CYREN: variants seen among roughly 807,000 people sequenced by gnomAD.
CYREN encodes the protein cell cycle regulator of NHEJ, also known as cell cycle regulator of non-homologous end joining.
A neutral mutation model predicts 9.7 loss-of-function variants in CYREN; 7 were observed. The observed-to-expected ratio is 0.72, with a 90% CI of 0.41 to 1.36. The LOEUF (loss-of-function observed/expected upper bound fraction) is 1.36. CYREN is among the 40% of genes most tolerant of loss of function. The pLI is 0.01. For synonymous variants in CYREN, 76 were observed against 77.9 expected (o/e 0.98, Z 0.13); for missense variants, 215 against 198.1 (o/e 1.09, Z -0.51).
At chr7:135,122,363 G>T (rs533735764) in intron 2 of CYREN, among the ~76,000 whole-genome samples, 26 of 152,310 alleles carry the variant, frequency 1.7e-4, no homozygotes, top group South Asian at 8.3e-4. Flanking sequence ...TCCAGCCAGA[G>T]GCTCAGGGAC....
intron 2 of CYREN, chr7:135,148,310 G>A (rs1270357958): frequency 5.8e-6 from 2 of 343,798 alleles, no homozygotes; most frequent in Admixed American, 4.2e-5. Context: ...TTACCCAGAC[G>A]TCTACTACCT....
intron 2 of CYREN, chr7:135,135,228 C>T (rs777074885): frequency 1.3e-6 from 2 of 1,532,650 alleles, no homozygotes; most frequent in South Asian, 2.4e-5. Context: ...ATGGACAACC[C>T]ACCTTATATC....
intron 2 of CYREN, among the ~76,000 whole-genome samples, chr7:135,122,618 C>T (rs144423077): frequency 4.6e-5 from 7 of 152,288 alleles, no homozygotes; most frequent in African/African-American, 1.4e-4. Context: ...ATACCCTATA[C>T]GTGAGCAATA....
chr7:135,165,126 G>A (rs758716406), downstream of CYREN: 45 of 1,223,772 alleles, frequency 3.7e-5, no homozygotes, highest in Non-Finnish European at 4.8e-5. Flanking sequence ...AGAGGAGGTG[G>A]GGCCCCTGTG....
chr7:135,094,812 A>C (rs1459869272), intron 2 of CYREN, among the ~76,000 whole-genome samples: 2 of 152,198 alleles, frequency 1.3e-5, no homozygotes, highest in African/African-American at 4.8e-5. Flanking sequence ...AGATTACATA[A>C]GTTGTTTGTC....
intron 2 of CYREN, among the ~76,000 whole-genome samples, chr7:135,136,912 TA>T (rs1829358205): frequency 6.6e-6 from 1 of 152,076 alleles, no homozygotes; most frequent in South Asian, 2.1e-4. Context: ...TTGATACAAA[TA>T]TAAGATGCTT....
Position 135,167,094 on chromosome 7 carries a change from G to C in CYREN, c.214-223C>G, listed in dbSNP as rs1302548181. ...AAACCAGAACCCACTCGGGAGAGAA[G>C]CAAGCAAAGGCATGAGGATTAGCTG... is the stretch of plus-strand genomic sequence containing the variant. On this transcript the variant is annotated intron_variant, in intron 3 of 3. Coordinates refer to ENST00000393114, the MANE Select transcript of CYREN (RefSeq NM_024033.4). 7 of 985,218 alleles carry C rather than the reference G, an allele frequency of 7.1e-6. No homozygotes were observed. The African/African-American group carries it at 1.0e-4, about 15-fold the overall frequency. The allele number at this position is 985,218 out of a possible 1,614,324, so 61.0% of individuals were successfully genotyped here. A position where few individuals can be genotyped will look rare whatever the true frequency, so the allele number is the denominator to read the frequency against.
intron 2 of CYREN, among the ~76,000 whole-genome samples, chr7:135,158,704 AAAG>A (rs3039058): frequency 0.48 from 72,364 of 151,664 alleles, 17,561 homozygotes; most frequent in South Asian, 0.65. Flanking sequence ...GCAGTGTGGA[AAAG>A]AAGCTGTGGG....
At chr7:135,136,424 T>A (rs1350985570) in intron 2 of CYREN, among the ~76,000 whole-genome samples, 1 of 152,104 alleles carries the variant, frequency 6.6e-6, no homozygotes, top group Non-Finnish European at 1.5e-5. Flanking sequence ...GAAATAGCTA[T>A]CTTCTAAATA....
At chr7:135,117,487 G>A (rs757807724) in intron 2 of CYREN, among the ~76,000 whole-genome samples, 2 of 152,178 alleles carry the variant, frequency 1.3e-5, no homozygotes, top group African/African-American at 2.4e-5. Flanking sequence ...GTCTAAAATG[G>A]TTTAGCAAAG....
intron 2 of CYREN, chr7:135,115,845 T>C (rs1280624758): frequency 2.3e-6 from 1 of 431,104 alleles, no homozygotes; most frequent in African/African-American, 2.0e-5. Context: ...CTCATTAATT[T>C]AGATCTATTA....
chr7:135,162,490 C>G (rs1829968279), downstream of CYREN, among the ~76,000 whole-genome samples: 1 of 152,220 alleles, frequency 6.6e-6, no homozygotes, highest in Non-Finnish European at 1.5e-5. Flanking sequence ...GTTTAATGGA[C>G]TCATAGTTCC....
intron 2 of CYREN, among the ~76,000 whole-genome samples, chr7:135,107,031 T>C (rs553325562): frequency 7.3e-4 from 111 of 152,318 alleles, no homozygotes; most frequent in Non-Finnish European, 8.5e-4. Flanking sequence ...CTGATTATTG[T>C]TTTACTGTGG....
chr7:135,132,948 AAAAAT>A (rs1207834135), intron 2 of CYREN, among the ~76,000 whole-genome samples: 1 of 152,212 alleles, frequency 6.6e-6, no homozygotes, highest in Non-Finnish European at 1.5e-5. Context: ...AAGGCAATAA[AAAAAT>A]AAAAAGCATA....
At chr7:135,108,349 T>A (rs1191357883) in intron 2 of CYREN, among the ~76,000 whole-genome samples, 1 of 152,190 alleles carries the variant, frequency 6.6e-6, no homozygotes, top group African/African-American at 2.4e-5. Context: ...GGTATTGGTC[T>A]TTCCTTTCCA....
At chr7:135,104,410 G>A (rs1824333533) in intron 2 of CYREN, among the ~76,000 whole-genome samples, 1 of 152,074 alleles carries the variant, frequency 6.6e-6, no homozygotes, top group South Asian at 2.1e-4. Flanking sequence ...GTATTTTTAT[G>A]ATAAAATGAT....
At chr7:135,129,776 G>C (rs1390230718) in intron 2 of CYREN, 4 of 620,810 alleles carry the variant, frequency 6.4e-6, no homozygotes, top group African/African-American at 1.8e-5. Context: ...AGGATATTTA[G>C]GGTACTACTC....
At chr7:135,140,471 A>G (rs1366669523) in intron 2 of CYREN, among the ~76,000 whole-genome samples, 2 of 152,084 alleles carry the variant, frequency 1.3e-5, no homozygotes, top group Non-Finnish European at 2.9e-5. Context: ...GGCAGAGACT[A>G]TGGGGTTTTC....
rs1563260330 is a variant in CYREN, at chr7:135,096,606, T to TAGATAGATAGATAGAC, written n.357-2025_357-2024insGTCTATCTATCTATCT. On this transcript the variant is annotated intron_variant and non_coding_transcript_variant, in intron 2 of 2. Coordinates refer to the CYREN transcript ENST00000459937. Reference sequence around the variant, plus strand: ...ATACATAGATAGATAGATAGATAGATAGATAGATAGATAGATAGGGCTATT... The same window carrying TAGATAGATAGATAGAC: ...ATACATAGATAGATAGATAGATAGATAGATAGATAGATAGACAGATAGATAGATAGATAGGGCTATT... 9.7e-5 allele frequency among the ~76,000 whole-genome samples: 13 copies of TAGATAGATAGATAGAC among 134,412 alleles called. 1 individual carries two copies. The highest frequency in any genetic ancestry group is 8.2e-4 in the Admixed American group (11 of 13,386). 88.2% of individuals were successfully genotyped at this position (134,412 alleles called of 152,430 possible). A position where few individuals can be genotyped will look rare whatever the true frequency, so the allele number is the denominator to read the frequency against.
Sources: allele counts gnomAD v4.1 joint callset (sites outside exome capture counted in the v4.1 genomes callset), GRCh38; gene constraint gnomAD v4.1.1; transcripts MANE v1.5; gene names NCBI Gene and HGNC (gene_info 2026-07-23, HGNC 2026-07-21).